The following SH2D4B variants were observed in gnomAD, a reference collection of about 807,000 sequenced individuals.
The protein encoded by SH2D4B is SH2 domain-containing protein 4B.
Under a neutral mutation model 61.5 loss-of-function variants are expected in SH2D4B, and 45 were observed. The observed-to-expected ratio is 0.73, with a 90% CI of 0.58 to 0.94. The LOEUF (loss-of-function observed/expected upper bound fraction) is 0.94, where lower values mean the gene tolerates loss of function less well. Ranked by LOEUF, SH2D4B falls within the 40% of genes least tolerant of loss-of-function variation. SH2D4B has a pLI of 0.00. For synonymous variants in SH2D4B, 224 were observed against 220.4 expected, an observed-to-expected ratio of 1.02 and a Z score of -0.14; for missense variants, 572 against 574.2, an observed-to-expected ratio of 1.00 and a Z score of 0.04.
rs922589543 is a variant in SH2D4B at position 80,645,155 on chromosome 10, T to G, written c.*1070T>G. 6.6e-6 allele frequency: 1 copy of G among 152,240 alleles called. No individual in the cohort carries two copies. Among genetic ancestry groups the G allele is most frequent in the Non-Finnish European group, 1.5e-5 (1 of 68,038 alleles). 9.4% of individuals were successfully genotyped at this position (152,240 alleles called of 1,614,324 possible). A position where few individuals can be genotyped will look rare whatever the true frequency, so the allele number is the denominator to read the frequency against. ...CTGGAACTTACTAGCATTATAATGC[T>G]TGCAGCATTGTGTTTGGTGAGAGGA... On this transcript the variant is annotated 3_prime_UTR_variant, in exon 8 of 8. Transcript: ENST00000646907.
chr10:80,593,218 G>T (rs754117757), intron 4 of SH2D4B, among the ~76,000 whole-genome samples: 9 of 152,206 alleles, frequency 5.9e-5, no homozygotes, highest in Admixed American at 2.0e-4. Context: ...GAATCAGCTT[G>T]TCAATTGTTG....
At chr10:80,559,970 AT>A (rs565098779) in intron 1 of SH2D4B, among the ~76,000 whole-genome samples, 107 of 140,902 alleles carry the variant, frequency 7.6e-4, no homozygotes, top group African/African-American at 2.8e-3. Flanking sequence ...ATAGTACTGT[AT>A]TTTTAAAATA....
chr10:80,617,458 G>C (rs1376693187), intron 6 of SH2D4B, among the ~76,000 whole-genome samples: 3 of 152,196 alleles, frequency 2.0e-5, no homozygotes, highest in Non-Finnish European at 4.4e-5. Flanking sequence ...GAGTTACCTA[G>C]ACAGGGGCAA....
intron 6 of SH2D4B, among the ~76,000 whole-genome samples, chr10:80,617,633 A>C (rs754775696): frequency 2.0e-5 from 3 of 152,244 alleles, no homozygotes; most frequent in Non-Finnish European, 4.4e-5. Context: ...CAACAACAAA[A>C]AATTCAAACT....
At position 80,588,764 on chromosome 10, in the gene SH2D4B, G is replaced by C; in HGVS notation, c.630G>C (p.Glu210Asp). ...HCQASEKEER[E>D]WEEQLRRSKA... Reference sequence around the variant, plus strand: ...AAGCCAGTGAGAAAGAGGAGCGAGAGTGGGAAGAACAGTGTGAGTAGAGCT... The same window carrying C: ...AAGCCAGTGAGAAAGAGGAGCGAGACTGGGAAGAACAGTGTGAGTAGAGCT... The change falls in exon 4 of 8, where the codon GAG (glutamate) becomes GAC (aspartate). Residue 210 changes from glutamate (E) to aspartate (D), a missense_variant. Transcript: ENST00000646907. The C allele has an allele frequency of 1.9e-6, 3 of 1,614,028 alleles. No individual in the cohort carries two copies. Among genetic ancestry groups the C allele is most frequent in the Non-Finnish European group, 1.7e-6 (2 of 1,180,026 alleles).
intron 6 of SH2D4B, among the ~76,000 whole-genome samples, chr10:80,625,038 G>A (rs1264369029): frequency 2.0e-5 from 3 of 152,052 alleles, no homozygotes; most frequent in Non-Finnish European, 4.4e-5. Flanking sequence ...TGAATATTTT[G>A]TCCATTATTT....
intron 4 of SH2D4B, among the ~76,000 whole-genome samples, chr10:80,593,958 C>T: frequency 6.6e-6 from 1 of 152,126 alleles, no homozygotes; most frequent in South Asian, 2.1e-4. Flanking sequence ...TACAGATGCA[C>T]ACCACCACAT....
intron 1 of SH2D4B, among the ~76,000 whole-genome samples, chr10:80,554,248 A>C (rs12260841): frequency 0.061 from 9,224 of 152,286 alleles, 662 homozygotes; most frequent in East Asian, 0.29. Context: ...CCGTATCCTC[A>C]GCATGGGTCC....
At chr10:80,604,595 C>T (rs113397376) in intron 5 of SH2D4B, among the ~76,000 whole-genome samples, 339 of 152,252 alleles carry the variant, frequency 2.2e-3, no homozygotes, top group Middle Eastern at 0.014. Flanking sequence ...CTGAGTTTTG[C>T]TTTGCCTCTG....
chr10:80,637,963 A>G (rs1426089326), intron 7 of SH2D4B, among the ~76,000 whole-genome samples: 1 of 152,202 alleles, frequency 6.6e-6, no homozygotes, highest in Non-Finnish European at 1.5e-5. Context: ...ATGTTCCATC[A>G]GTACCTAGTT....
rs752517388 is a variant in SH2D4B at position 80,588,782 on chromosome 10, G to A, written c.643+5G>A. On this transcript the variant is annotated splice_donor_5th_base_variant and intron_variant, in intron 4 of 7. Coordinates refer to ENST00000646907, the MANE Select transcript of SH2D4B (RefSeq NM_001388272.1). ...AGCGAGAGTGGGAAGAACAGTGTGA[G>A]TAGAGCTTGTGCCTCAGGCAGGGAG... 7 of 1,613,704 alleles carry A rather than the reference G, an allele frequency of 4.3e-6. No homozygotes were observed. The South Asian group carries it at 5.5e-5, about 13-fold the overall frequency.
intron 3 of SH2D4B, among the ~76,000 whole-genome samples, chr10:80,573,142 G>T (rs532636321): frequency 1.4e-5 from 2 of 146,336 alleles, no homozygotes; most frequent in Non-Finnish European, 3.0e-5. Flanking sequence ...CCGCCACCGC[G>T]CCCGGCTAAT....
intron 7 of SH2D4B, 116 bp downstream of exon 7, chr10:80,634,621 G>C: frequency 7.0e-7 from 1 of 1,430,706 alleles, no homozygotes; most frequent in Non-Finnish European, 9.3e-7. Flanking sequence ...GGGCTGGAGG[G>C]TCTCAGAGAT....
chr10:80,566,357 G>A (rs537326156), intron 1 of SH2D4B, among the ~76,000 whole-genome samples: 6 of 149,018 alleles, frequency 4.0e-5, no homozygotes, highest in South Asian at 2.1e-4. Flanking sequence ...GTGCAGTGGC[G>A]TGATCTTGGC....
intron 6 of SH2D4B, among the ~76,000 whole-genome samples, chr10:80,620,311 T>C (rs1842704907): frequency 6.6e-6 from 1 of 152,134 alleles, no homozygotes; most frequent in South Asian, 2.1e-4. Context: ...TCCTTTTCAC[T>C]CTCTCCTGCC....
At chr10:80,568,179 A>G (rs1841995395) in intron 1 of SH2D4B, among the ~76,000 whole-genome samples, 1 of 151,546 alleles carries the variant, frequency 6.6e-6, no homozygotes, top group African/African-American at 2.4e-5. Flanking sequence ...TAATGTGGCT[A>G]TGTTAGTCTG....
At chr10:80,596,747 C>T (rs1842389241) in intron 4 of SH2D4B, among the ~76,000 whole-genome samples, 1 of 152,172 alleles carries the variant, frequency 6.6e-6, no homozygotes. Context: ...AGAATAAAGG[C>T]AGATGGAGGC....
intron 3 of SH2D4B, among the ~76,000 whole-genome samples, chr10:80,580,025 T>C (rs1001150038): frequency 1.2e-4 from 19 of 152,226 alleles, no homozygotes; most frequent in African/African-American, 4.6e-4. Flanking sequence ...TGCTGTGAAC[T>C]GGCAATGGAG....
At position 80,604,960 on chromosome 10, in the gene SH2D4B, A is replaced by AT. The variant is rs533901043; in HGVS notation, c.860+1171dup. 5.5e-4 allele frequency among the ~76,000 whole-genome samples: 83 copies of AT among 152,012 alleles called. No individual in the cohort carries two copies. In the East Asian group the frequency reaches 0.014, roughly 26 times the overall value. On this transcript the variant is annotated intron_variant, in intron 5 of 7. Coordinates refer to ENST00000646907, the MANE Select transcript of SH2D4B (RefSeq NM_001388272.1). ...AGGTGCCCGCCACCACACCCAGCTA[A>AT]TTTTTTGTATTTTTAGTAGAGATGG...
Sources: allele counts gnomAD v4.1 joint callset (sites outside exome capture counted in the v4.1 genomes callset), GRCh38; gene constraint gnomAD v4.1.1; transcripts MANE v1.5; gene names NCBI Gene and HGNC (gene_info 2026-07-23, HGNC 2026-07-21).